Variants in MTX2 observed in about 807,000 individuals in gnomAD.
MTX2 encodes the protein metaxin 2.
In MTX2, 35 loss-of-function variants were observed where a neutral mutation model predicts 42.3. The ratio of observed to expected loss-of-function variants is 0.83; its 90% CI spans 0.63 to 1.10. MTX2 has a LOEUF of 1.10. Among genes scored for constraint, MTX2 ranks in the 50% least tolerant of loss-of-function variants. The pLI, the probability that MTX2 is intolerant of heterozygous loss-of-function variation, is 0.00. For synonymous variants in MTX2, 119 were observed against 100.9 expected (o/e 1.18, Z -1.08); for missense variants, 307 against 304.1 (o/e 1.01, Z -0.07).
chr2:176,304,000 A>T (rs1405649024), intron 3 of MTX2, among the ~76,000 whole-genome samples: 3 of 152,044 alleles, frequency 2.0e-5, no homozygotes, highest in Non-Finnish European at 2.9e-5. Flanking sequence ...AAGATACAGT[A>T]GTAAGATGGA....
chr2:176,303,452 A>G (rs978747790), intron 3 of MTX2, among the ~76,000 whole-genome samples: 3 of 152,012 alleles, frequency 2.0e-5, no homozygotes, highest in Non-Finnish European at 2.9e-5. Flanking sequence ...GACAAGCAAA[A>G]TGGAGGCTGC....
At position 176,274,690 on chromosome 2, in the gene MTX2, A is replaced by G. The variant is rs541776609; in HGVS notation, c.40+5021A>G. 5.9e-5 allele frequency among the ~76,000 whole-genome samples: 9 copies of G among 152,302 alleles called. No individual in the cohort carries two copies. The South Asian group carries it at 1.9e-3, about 32-fold the overall frequency. The stretch of plus-strand genomic sequence containing the variant: ...GGGAGATCCAGGACTAAGCACTGGC[A>G]AGACCAGGTACTACCTGGAGTGTCT... On this transcript the variant is annotated intron_variant, in intron 1 of 9. Coordinates refer to ENST00000249442, the MANE Select transcript of MTX2 (RefSeq NM_006554.5).
chr2:176,298,431 A>G (rs898320194), intron 3 of MTX2, among the ~76,000 whole-genome samples: 3 of 152,110 alleles, frequency 2.0e-5, no homozygotes, highest in African/African-American at 7.2e-5. Context: ...ATGAAATGTA[A>G]CAGCTCTTCA....
intron 1 of MTX2, among the ~76,000 whole-genome samples, chr2:176,295,379 CTTGT>C (rs986061201): frequency 2.0e-5 from 3 of 152,014 alleles, no homozygotes; most frequent in African/African-American, 7.2e-5. Flanking sequence ...CTAATGTCAG[CTTGT>C]TTTTGTTTCC....
intron 1 of MTX2, among the ~76,000 whole-genome samples, chr2:176,295,275 C>T (rs1326821165): frequency 1.3e-5 from 2 of 152,052 alleles, no homozygotes; most frequent in Non-Finnish European, 2.9e-5. Context: ...AATTTTATAA[C>T]GAATCTCATT....
At position 176,329,303 on chromosome 2, in the gene MTX2, C is replaced by A; in HGVS notation, c.420C>A (p.Ile140=). 3 of 1,595,470 alleles carry A rather than the reference C, an allele frequency of 1.9e-6. No individual in the cohort carries two copies. The highest frequency in any genetic ancestry group is 2.7e-5 in the African/African-American group (2 of 73,988). Residue 140 remains isoleucine (I), a splice_region_variant and synonymous_variant, in exon 8 of 10, where the codon ATC becomes ATA. Transcript: ENST00000249442. ...QWCDEATVGE[I]THARYGSPYP... is the part of the protein sequence containing the mutation. ...TTTACAAAATCTTTTTACTTTAGAT[C>A]ACTCATGCTAGGTATGGATCTCCTT...
At chr2:176,280,616 A>C (rs1432715871) in intron 1 of MTX2, among the ~76,000 whole-genome samples, 2 of 152,150 alleles carry the variant, frequency 1.3e-5, no homozygotes, top group Admixed American at 6.5e-5. Flanking sequence ...GTGCTTATTC[A>C]GTCATAAAAG....
In MTX2 at chr2:176,297,759, C is replaced by T. The variant is rs780016997; in HGVS notation, c.89-90C>T. ...TAAAACTTTAGAATTTAGTGGTAGGCGATACCTTTGAATAAATAGAAATAC... is the reference window on the plus strand; with the variant it reads ...TAAAACTTTAGAATTTAGTGGTAGGTGATACCTTTGAATAAATAGAAATAC... On this transcript the variant is annotated intron_variant, in intron 2 of 9. Coordinates refer to ENST00000249442, the MANE Select transcript of MTX2 (RefSeq NM_006554.5). The T allele has an allele frequency of 7.3e-5, 53 of 721,494 alleles. 1 individual carries two copies. Among genetic ancestry groups the T allele is most frequent in the African/African-American group, 9.2e-5 (5 of 54,094 alleles). 44.7% of individuals were successfully genotyped at this position (721,494 alleles called of 1,614,324 possible).
intron 1 of MTX2, among the ~76,000 whole-genome samples, chr2:176,288,213 A>C (rs1239581244): frequency 6.6e-6 from 1 of 152,154 alleles, no homozygotes; most frequent in African/African-American, 2.4e-5. Flanking sequence ...TATAGCCCTT[A>C]AAATTTCAGT....
At chr2:176,329,923 G>A (rs1005647469) in intron 8 of MTX2, among the ~76,000 whole-genome samples, 2 of 149,394 alleles carry the variant, frequency 1.3e-5, no homozygotes, top group African/African-American at 5.0e-5. Context: ...CTATCTATCT[G>A]TCTATCTATA....
chr2:176,289,614 A>T (rs1185005069), intron 1 of MTX2, among the ~76,000 whole-genome samples: 2 of 152,068 alleles, frequency 1.3e-5, no homozygotes, highest in Non-Finnish European at 2.9e-5. Flanking sequence ...ATAAAAATTT[A>T]TTGCATCTTT....
intron 1 of MTX2, among the ~76,000 whole-genome samples, chr2:176,277,425 G>A (rs911966034): frequency 6.6e-6 from 1 of 152,104 alleles, no homozygotes; most frequent in Non-Finnish European, 1.5e-5. Flanking sequence ...TTTTTGAGAT[G>A]GAGTTGCGCT....
rs1692745712 is a variant in MTX2, at chr2:176,269,637, T to C, written c.8T>C (p.Leu3Pro). Residue 3 changes from leucine to proline, a missense_variant, in exon 1 of 10, where the codon CTA becomes CCA. Leu to Pro is a moderately conservative substitution (Grantham distance 98, BLOSUM62 -3). Coordinates refer to ENST00000249442, the MANE Select transcript of MTX2 (RefSeq NM_006554.5). The stretch of plus-strand genomic sequence containing the variant: ...CCGGGCCTCCCAGCCGACATGTCTC[T>C]AGTGGCGGAAGCCTTCGTCTCCCAG... The part of the protein sequence containing the change: MS[L>P]VAEAFVSQIA... 2 of 1,596,448 alleles carry C rather than the reference T, an allele frequency of 1.3e-6. No homozygotes were observed. Among genetic ancestry groups the C allele is most frequent in the Non-Finnish European group, 8.5e-7 (1 of 1,174,324 alleles).
chr2:176,297,945 A>G (rs1316982502), intron 3 of MTX2, 50 bp downstream of exon 3: 2 of 1,399,256 alleles, frequency 1.4e-6, no homozygotes, highest in Non-Finnish European at 1.9e-6. Context: ...GGTGGTTTGC[A>G]TCATTTTGAC....
At position 176,277,845 on chromosome 2, in the gene MTX2, C is replaced by A. The variant is rs533920425; in HGVS notation, c.40+8176C>A. Among the ~76,000 whole-genome samples, 567 of 151,288 alleles carry A rather than the reference C, an allele frequency of 3.7e-3. 7 individuals are homozygous for A. Among genetic ancestry groups the A allele is most frequent in the African/African-American group, 0.012 (503 of 41,198 alleles). On this transcript the variant is annotated intron_variant, in intron 1 of 9. Coordinates refer to ENST00000249442, the MANE Select transcript of MTX2 (RefSeq NM_006554.5). Reference sequence around the variant, plus strand: ...ACGTTTAAGAGAATTAAAAAAAAAACATATTAGTCATATGAATAATCTTAC... The same window carrying A: ...ACGTTTAAGAGAATTAAAAAAAAAAAATATTAGTCATATGAATAATCTTAC...
At chr2:176,309,171 G>C (rs917060351) in intron 3 of MTX2, among the ~76,000 whole-genome samples, 1 of 152,288 alleles carries the variant, frequency 6.6e-6, no homozygotes, top group South Asian at 2.1e-4. Flanking sequence ...TTCAGAAGCA[G>C]GTTGTTCAGT....
chr2:176,299,836 A>G (rs2105416343), intron 3 of MTX2, among the ~76,000 whole-genome samples: 1 of 152,248 alleles, frequency 6.6e-6, no homozygotes, highest in South Asian at 2.1e-4. Flanking sequence ...ACCAGATATC[A>G]AACATCAGAT....
chr2:176,325,501 T>G (rs773577322), intron 4 of MTX2, among the ~76,000 whole-genome samples: 10 of 151,716 alleles, frequency 6.6e-5, no homozygotes, highest in Non-Finnish European at 1.5e-4. Flanking sequence ...GCTTCAGAAT[T>G]GACAACGCTC....
At chr2:176,336,630 A>G (rs899228737) in intron 9 of MTX2, among the ~76,000 whole-genome samples, 8 of 152,164 alleles carry the variant, frequency 5.3e-5, no homozygotes, top group African/African-American at 7.2e-5. Context: ...GAGATCTGCT[A>G]TATTTAGTGA....
Sources: allele counts gnomAD v4.1 joint callset (sites outside exome capture counted in the v4.1 genomes callset), GRCh38; gene constraint gnomAD v4.1.1; transcripts MANE v1.5; gene names NCBI Gene and HGNC (gene_info 2026-07-23, HGNC 2026-07-21).